Variants in TASOR observed in about 807,000 individuals in gnomAD.
The protein encoded by TASOR is transcription activation suppressor, also known as protein TASOR.
TASOR carries 53 observed loss-of-function variants against 178.6 expected under a neutral mutation model. The ratio of observed to expected loss-of-function variants is 0.30; its 90% CI spans 0.24 to 0.37. The LOEUF is 0.37. Ranked by LOEUF, TASOR falls within the 10% of genes least tolerant of loss-of-function variation. The probability of loss-of-function intolerance (pLI) is 1.00; values close to 1 mark genes in which losing one functional copy is unlikely to be tolerated. For missense variants in TASOR, 1,815 were observed against 1,971.4 expected (o/e 0.92, Z 1.50); for synonymous variants, 713 against 696.2 (o/e 1.02, Z -0.38).
rs1010031667 is a variant in TASOR, at chr3:56,628,572, G to C, written c.3790C>G (p.Gln1264Glu). 1 of 1,591,948 alleles carries C rather than the reference G, an allele frequency of 6.3e-7. No individual in the cohort carries two copies. Among genetic ancestry groups the C allele is most frequent in the Non-Finnish European group, 8.6e-7 (1 of 1,162,562 alleles). The change falls in exon 19 of 24, where the codon CAG (glutamine) becomes GAG (glutamate). Residue 1264 changes from glutamine (Q) to glutamate (E), a missense_variant. This residue lies in a region of TASOR where 655 missense variants were observed against 671.1 expected (regional missense o/e 0.98). Coordinates refer to ENST00000683822, the MANE Select transcript of TASOR (RefSeq NM_001365635.2). ...KLGNTECHPE[Q>E]FLERRSKLDK... Reference sequence around the variant, plus strand: ...AATTTTGATCTTCTTTCCAAAAACTGTTCAGGATGACATTCTGTATTGCCT... The same window carrying C: ...AATTTTGATCTTCTTTCCAAAAACTCTTCAGGATGACATTCTGTATTGCCT...
Position 56,676,508 on chromosome 3 carries a change from T to C in TASOR, c.332-2783A>G, listed in dbSNP as rs561759324. On this transcript the variant is annotated intron_variant, in intron 1 of 23. Coordinates refer to ENST00000683822, the MANE Select transcript of TASOR (RefSeq NM_001365635.2). Reference sequence around the variant, plus strand: ...CAAGGAAAGCAGCATGTGGAGGTCTTTATAGGCTTTCACAACCAAAGTGGG... The same window carrying C: ...CAAGGAAAGCAGCATGTGGAGGTCTCTATAGGCTTTCACAACCAAAGTGGG... Among the ~76,000 whole-genome samples the C allele has an allele frequency of 3.3e-5, 5 of 152,306 alleles. No individual in the cohort carries two copies. The East Asian group carries it at 9.6e-4, about 29-fold the overall frequency.
intron 11 of TASOR, among the ~76,000 whole-genome samples, chr3:56,653,817 A>C (rs976628238): frequency 1.3e-5 from 2 of 152,186 alleles, no homozygotes; most frequent in Non-Finnish European, 2.9e-5. Flanking sequence ...CAAAGTTAAA[A>C]AAAAATTGGA....
chr3:56,670,145 C>A lies in TASOR; in HGVS notation c.571G>T (p.Val191Phe). Residue 191 changes from valine (V) to phenylalanine (F), a missense_variant and splice_region_variant, in exon 4 of 24, where the codon GTT (valine) becomes TTT (phenylalanine). Val to Phe is a conservative substitution (Grantham distance 50). Coordinates refer to ENST00000683822, the MANE Select transcript of TASOR (RefSeq NM_001365635.2). ...YAFLMVDRYQ[V>F]QTICEKGLHV... ...AATCCTTTTTCACATATGGTTTGAA[C>A]CTAAATTTAAAAAAAAATACTTCAT... 6.6e-7 allele frequency: 1 copy of A among 1,510,854 alleles called. No individual in the cohort carries two copies. Among genetic ancestry groups the A allele is most frequent in the Admixed American group, 2.2e-5 (1 of 44,748 alleles). 93.6% of individuals were successfully genotyped at this position (1,510,854 alleles called of 1,614,324 possible).
intron 7 of TASOR, 36 bp downstream of exon 7, chr3:56,666,224 T>A: frequency 6.7e-7 from 1 of 1,483,282 alleles, no homozygotes; most frequent in Non-Finnish European, 9.0e-7. Context: ...AGTAGAATTA[T>A]CACTGCGGAT....
intron 17 of TASOR, among the ~76,000 whole-genome samples, chr3:56,637,050 C>T (rs887276603): frequency 2.6e-5 from 4 of 152,022 alleles, no homozygotes; most frequent in Admixed American, 6.6e-5. Context: ...CTCCCTGACA[C>T]GATATTGCAT....
intron 11 of TASOR, among the ~76,000 whole-genome samples, chr3:56,660,455 T>C (rs988211375): frequency 1.5e-5 from 2 of 137,218 alleles, no homozygotes; most frequent in African/African-American, 5.7e-5. Context: ...CACGCCACTG[T>C]ACTCCATCCT....
chr3:56,632,743 T>C (rs2076942165), intron 18 of TASOR, among the ~76,000 whole-genome samples: 1 of 152,100 alleles, frequency 6.6e-6, no homozygotes, highest in South Asian at 2.1e-4. Flanking sequence ...TGGGCTCAAG[T>C]GATCCTCCCA....
At chr3:56,643,615 A>G (rs904413036) in intron 14 of TASOR, among the ~76,000 whole-genome samples, 4 of 152,014 alleles carry the variant, frequency 2.6e-5, no homozygotes, top group African/African-American at 9.7e-5. Flanking sequence ...ACAAACAAGT[A>G]ACCAGGCATG....
In TASOR at chr3:56,633,173, T is replaced by G; in HGVS notation, c.3618A>C (p.Ser1206=). ...DVNISAQPAL[S]NFISQLEPEV... is the part of the protein sequence containing the mutation. ...CAGGTTCTAACTGGCTTATAAAATTTGAAAGAGCTGGTTGAGCAGAAATGT... is the reference window on the plus strand; with the variant it reads ...CAGGTTCTAACTGGCTTATAAAATTGGAAAGAGCTGGTTGAGCAGAAATGT... The change falls in exon 18 of 24, where the codon TCA becomes TCC. Residue 1206 remains serine, a synonymous_variant. Coordinates refer to ENST00000683822, the MANE Select transcript of TASOR (RefSeq NM_001365635.2). 6.2e-7 allele frequency: 1 copy of G among 1,614,228 alleles called. No homozygotes were observed. Among genetic ancestry groups the G allele is most frequent in the Non-Finnish European group, 8.5e-7 (1 of 1,180,038 alleles).
intron 11 of TASOR, among the ~76,000 whole-genome samples, chr3:56,653,214 G>C (rs1483975376): frequency 8.3e-6 from 1 of 120,532 alleles, no homozygotes; most frequent in African/African-American, 3.0e-5. Flanking sequence ...AGTCAGCCAA[G>C]ATCATGCCAC....
intron 1 of TASOR, among the ~76,000 whole-genome samples, chr3:56,681,148 T>C (rs1481752663): frequency 1.4e-5 from 2 of 147,956 alleles, no homozygotes; most frequent in Non-Finnish European, 3.0e-5. Context: ...ACCTTAAAAA[T>C]AGATTTCAAA....
chr3:56,671,523 C>A, intron 3 of TASOR, 77 bp downstream of exon 3: 5 of 1,029,108 alleles, frequency 4.9e-6, no homozygotes, highest in South Asian at 1.6e-5. Flanking sequence ...GTAAAGAATA[C>A]TGTTGAATAA....
In TASOR at chr3:56,641,462, C is replaced by T; in HGVS notation, c.2506G>A (p.Ala836Thr). 6.2e-7 allele frequency: 1 copy of T among 1,613,420 alleles called. No homozygotes were observed. The highest frequency in any genetic ancestry group is 1.1e-5 in the South Asian group (1 of 91,072). ...AAGCTCTGAGTACCCTTAAACTGTG[C>T]ATTTTCAACTTTTGCACAAGTAGGC... ...EQPTCAKVEN[A>T]QFKGTQSLLL... Residue 836 changes from alanine (A) to threonine (T), a missense_variant, in exon 15 of 24, where the codon GCA (alanine) becomes ACA (threonine). Transcript: ENST00000683822.
chr3:56,645,923 C>A (rs531339716), intron 14 of TASOR, among the ~76,000 whole-genome samples: 1 of 152,022 alleles, frequency 6.6e-6, no homozygotes, highest in Non-Finnish European at 1.5e-5. Context: ...CCGAGGCAGG[C>A]GGATCACGAG....
rs764257598 is a variant in TASOR, at chr3:56,627,030, A to G, written c.4139+7T>C. On this transcript the variant is annotated splice_region_variant and intron_variant, in intron 21 of 23. Coordinates refer to ENST00000683822, the MANE Select transcript of TASOR (RefSeq NM_001365635.2). ...CAACCATTATATAGTTATGTTTCAA[A>G]GCTTACCTGCCTAGTTCCTTTAGTT... 1 of 1,541,164 alleles carries G rather than the reference A, an allele frequency of 6.5e-7. No homozygotes were observed. The highest frequency in any genetic ancestry group is 8.9e-7 in the Non-Finnish European group (1 of 1,121,328).
At chr3:56,660,274 G>A (rs939626927) in intron 11 of TASOR, among the ~76,000 whole-genome samples, 3 of 151,670 alleles carry the variant, frequency 2.0e-5, no homozygotes, top group African/African-American at 7.3e-5. Context: ...GGCAGATCAC[G>A]AGGTCAGGAG....
chr3:56,671,362 G>A (rs2030717945), intron 3 of TASOR: 5 of 367,954 alleles, frequency 1.4e-5, no homozygotes, highest in Non-Finnish European at 1.9e-5. Flanking sequence ...TAAATAAACA[G>A]AAAAGTATTA....
At chr3:56,646,494 CTGTTA>C in intron 14 of TASOR, 23 bp downstream of exon 14, 1 of 1,532,542 alleles carries the variant, frequency 6.5e-7, no homozygotes, top group Non-Finnish European at 8.8e-7. Context: ...TTATTTTTGG[CTGTTA>C]TAAGAGCAAT....
At chr3:56,639,190 G>A (rs765599145) in intron 16 of TASOR, among the ~76,000 whole-genome samples, 5 of 152,186 alleles carry the variant, frequency 3.3e-5, no homozygotes, top group Non-Finnish European at 5.9e-5. Context: ...GTCTCAGCAG[G>A]TTCTAGTTTA....
Sources: allele counts gnomAD v4.1 joint callset (sites outside exome capture counted in the v4.1 genomes callset), GRCh38; gene constraint gnomAD v4.1.1; regional missense constraint gnomAD v4.1.1; transcripts MANE v1.5; gene names NCBI Gene and HGNC (gene_info 2026-07-23, HGNC 2026-07-21).